The following PRELID2 variants were observed in gnomAD, a reference collection of about 807,000 sequenced individuals.
The protein encoded by PRELID2 is PRELI domain containing 2, also known as PRELI domain-containing protein 2.
Under a neutral mutation model 28.4 loss-of-function variants are expected in PRELID2, and 25 were observed. The ratio of observed to expected loss-of-function variants is 0.88; its 90% CI spans 0.64 to 1.23. The LOEUF is 1.23. PRELID2 is among the 50% of genes most tolerant of loss of function. The pLI is 0.00. For synonymous variants in PRELID2, 76 were observed against 71.6 expected (o/e 1.06, Z -0.31); for missense variants, 201 against 214.4 (o/e 0.94, Z 0.39).
At chr5:145,618,445 A>G (rs1407667562) in intron 1 of PRELID2, among the ~76,000 whole-genome samples, 2 of 152,052 alleles carry the variant, frequency 1.3e-5, no homozygotes, top group Admixed American at 1.3e-4. Context: ...ATTGATTGTT[A>G]TCTCTCCTCT....
At chr5:145,507,165 T>C (rs1752419528) in intron 1 of PRELID2, among the ~76,000 whole-genome samples, 3 of 152,182 alleles carry the variant, frequency 2.0e-5, no homozygotes, top group African/African-American at 4.8e-5. Flanking sequence ...ATTCCAATGT[T>C]AGTCCCTCAG....
At chr5:145,808,388 T>C (rs1753675308) in intron 4 of PRELID2, among the ~76,000 whole-genome samples, 1 of 151,980 alleles carries the variant, frequency 6.6e-6, no homozygotes, top group Non-Finnish European at 1.5e-5. Flanking sequence ...GGTGAAAAAA[T>C]GGGACACACC....
intron 1 of PRELID2, among the ~76,000 whole-genome samples, chr5:145,740,287 T>G: frequency 1.3e-5 from 1 of 78,062 alleles, no homozygotes; most frequent in South Asian, 3.6e-4. Context: ...TATATATATA[T>G]ATATATATAT....
the PRELID2 span, among the ~76,000 whole-genome samples, chr5:145,440,570 G>A: frequency 7.9e-5 from 12 of 152,214 alleles, no homozygotes; most frequent in African/African-American, 2.9e-4. Flanking sequence ...AATGGGCTGA[G>A]GAAAATGTTG....
the PRELID2 span, among the ~76,000 whole-genome samples, chr5:145,267,619 C>T: frequency 2.1e-4 from 32 of 152,306 alleles, no homozygotes; most frequent in East Asian, 5.8e-3. Context: ...GCAATAAATG[C>T]AGTAGTGCAG....
chr5:145,654,953 C>T (rs938179019), intron 1 of PRELID2, among the ~76,000 whole-genome samples: 16 of 152,198 alleles, frequency 1.1e-4, no homozygotes, highest in African/African-American at 3.6e-4. Context: ...AAGAGGAAGT[C>T]AAATTGTCCC....
At chr5:145,619,692 T>C (rs1432589782) in intron 1 of PRELID2, among the ~76,000 whole-genome samples, 1 of 152,186 alleles carries the variant, frequency 6.6e-6, no homozygotes, top group African/African-American at 2.4e-5. Context: ...TCCATCTGAG[T>C]TGGAGCTGCA....
intron 1 of PRELID2, among the ~76,000 whole-genome samples, chr5:145,677,436 T>C (rs1300224022): frequency 1.3e-5 from 2 of 152,182 alleles, no homozygotes; most frequent in Non-Finnish European, 2.9e-5. Context: ...ATTATGGGCC[T>C]GAGCCACCAT....
intron 1 of PRELID2, among the ~76,000 whole-genome samples, chr5:145,697,604 G>A (rs1195350909): frequency 6.6e-6 from 1 of 152,156 alleles, no homozygotes; most frequent in Non-Finnish European, 1.5e-5. Context: ...GGCCTGCAAA[G>A]CCTAAAATAT....
chr5:145,258,097 T>C, the PRELID2 span, among the ~76,000 whole-genome samples: 1 of 152,286 alleles, frequency 6.6e-6, no homozygotes, highest in South Asian at 2.1e-4. Flanking sequence ...TGAAGCCTCC[T>C]GAGAAGCAGA....
At chr5:145,468,542 A>C (rs1407342716), downstream of PRELID2, among the ~76,000 whole-genome samples, 1 of 152,160 alleles carries the variant, frequency 6.6e-6, no homozygotes, top group Non-Finnish European at 1.5e-5. Flanking sequence ...TATAGTGTAA[A>C]AGTGTTTCCT....
chr5:145,739,257 G>A (rs1756582702), intron 1 of PRELID2, among the ~76,000 whole-genome samples: 1 of 152,176 alleles, frequency 6.6e-6, no homozygotes, highest in Admixed American at 6.5e-5. Context: ...TGTAATCCCA[G>A]CACTTTGGGA....
At chr5:145,700,068 C>T (rs538336707) in intron 1 of PRELID2, among the ~76,000 whole-genome samples, 229 of 152,182 alleles carry the variant, frequency 1.5e-3, no homozygotes, top group African/African-American at 5.0e-3. Flanking sequence ...TCACTTAATT[C>T]CCTCTTAATA....
At chr5:145,418,700 G>A in the PRELID2 span, among the ~76,000 whole-genome samples, 4 of 151,720 alleles carry the variant, frequency 2.6e-5, no homozygotes, top group African/African-American at 7.3e-5. Flanking sequence ...GCAGAAAACT[G>A]AAACTGAACC....
Position 145,654,700 on chromosome 5 carries a change from C to A in PRELID2, n.70+110231G>T, listed in dbSNP as rs534847547. ...AAGGCCTTTGACAAAATTCAACAAC[C>A]CTTCATGCTAAAAACTCTCAATAAA... On this transcript the variant is annotated intron_variant and non_coding_transcript_variant, in intron 1 of 2. Transcript: ENST00000510259. 1.1e-4 allele frequency among the ~76,000 whole-genome samples: 16 copies of A among 152,150 alleles called. No individual in the cohort carries two copies. In the East Asian group the frequency reaches 1.4e-3, roughly 13 times the overall value.
At chr5:145,421,875 T>C in the PRELID2 span, among the ~76,000 whole-genome samples, 1 of 150,348 alleles carries the variant, frequency 6.7e-6, no homozygotes, top group Non-Finnish European at 1.5e-5. Context: ...CATTTAGTGC[T>C]ATAAATTTCC....
At chr5:145,743,935 C>T (rs911832627) in intron 1 of PRELID2, among the ~76,000 whole-genome samples, 5 of 152,222 alleles carry the variant, frequency 3.3e-5, no homozygotes, top group Non-Finnish European at 5.9e-5. Flanking sequence ...CTCCCTGGGC[C>T]GGGGAAGGGC....
the PRELID2 span, among the ~76,000 whole-genome samples, chr5:145,245,425 G>A: frequency 1.3e-5 from 2 of 152,072 alleles, no homozygotes; most frequent in Non-Finnish European, 2.9e-5. Context: ...GAGAGAGAGA[G>A]AGAGAGAGAG....
At chr5:145,514,172 A>T (rs981604522) in intron 1 of PRELID2, among the ~76,000 whole-genome samples, 1 of 152,216 alleles carries the variant, frequency 6.6e-6, no homozygotes, top group East Asian at 1.9e-4. Context: ...AAATGGGTTA[A>T]ATGCCGCAAT....
Sources: allele counts gnomAD v4.1 joint callset (sites outside exome capture counted in the v4.1 genomes callset), GRCh38; gene constraint gnomAD v4.1.1; transcripts MANE v1.5; gene names NCBI Gene and HGNC (gene_info 2026-07-23, HGNC 2026-07-21).